The following THSD4 variants were observed in gnomAD, a reference collection of about 807,000 sequenced individuals.
The protein encoded by THSD4 is thrombospondin type-1 domain-containing protein 4.
In THSD4, 69 loss-of-function variants were observed where a neutral mutation model predicts 119.0. The observed-to-expected ratio is 0.58, with a 90% CI of 0.48 to 0.71. The LOEUF (loss-of-function observed/expected upper bound fraction) is 0.71, where lower values mean the gene tolerates loss of function less well. Ranked by LOEUF, THSD4 falls within the 30% of genes least tolerant of loss-of-function variation. THSD4 has a pLI of 0.00. For synonymous variants in THSD4, 524 were observed against 540.4 expected (o/e 0.97, Z 0.42); for missense variants, 1,393 against 1,391.1 (o/e 1.00, Z -0.02).
intron 7 of THSD4, among the ~76,000 whole-genome samples, chr15:71,576,294 C>G (rs1348763212): frequency 6.6e-6 from 1 of 152,130 alleles, no homozygotes; most frequent in African/African-American, 2.4e-5. Flanking sequence ...ACAGAAAATA[C>G]TACCTGTTAG....
chr15:71,651,884 G>A (rs2051096872), intron 7 of THSD4, among the ~76,000 whole-genome samples: 1 of 152,170 alleles, frequency 6.6e-6, no homozygotes, highest in Non-Finnish European at 1.5e-5. Context: ...GCCATCTTGT[G>A]GAGAAAAATG....
chr15:71,132,975 G>C (rs987064384), intron 1 of THSD4, among the ~76,000 whole-genome samples: 2 of 152,216 alleles, frequency 1.3e-5, no homozygotes, highest in Non-Finnish European at 2.9e-5. Flanking sequence ...GGCAGCTGGA[G>C]AATATTGGTT....
chr15:71,762,425 G>T (rs1048723557), intron 15 of THSD4, among the ~76,000 whole-genome samples: 5 of 152,218 alleles, frequency 3.3e-5, no homozygotes, highest in Non-Finnish European at 5.9e-5. Context: ...GGGTCTTTCA[G>T]ATTATGTTTT....
chr15:71,123,984 C>T (rs1468761885), intron 1 of THSD4, among the ~76,000 whole-genome samples: 1 of 152,218 alleles, frequency 6.6e-6, no homozygotes, highest in Non-Finnish European at 1.5e-5. Context: ...ATAAATTACC[C>T]ACTTGGTATC....
chr15:71,312,099 A>G lies in THSD4; in HGVS notation c.1015+55384A>G, dbSNP rs186540882. Among the ~76,000 whole-genome samples, 15 of 152,254 alleles carry G rather than the reference A, an allele frequency of 9.9e-5. No individual in the cohort carries two copies. The East Asian group carries it at 2.7e-3, about 27-fold the overall frequency. ...TTTGTTTCCCTGCCCTCTGTTCTGGACTGTATAGTGCTCCCCTCAAATTCA... is the reference window on the plus strand; with the variant it reads ...TTTGTTTCCCTGCCCTCTGTTCTGGGCTGTATAGTGCTCCCCTCAAATTCA... On this transcript the variant is annotated intron_variant, in intron 6 of 17. Coordinates refer to ENST00000261862, the MANE Select transcript of THSD4 (RefSeq NM_024817.3).
At chr15:71,517,436 C>T (rs1232148027) in intron 7 of THSD4, among the ~76,000 whole-genome samples, 1 of 152,194 alleles carries the variant, frequency 6.6e-6, no homozygotes, top group Non-Finnish European at 1.5e-5. Context: ...CCTTTCTCTC[C>T]CTTTCTGCCT....
chr15:71,762,974 G>A (rs906633357), intron 15 of THSD4, among the ~76,000 whole-genome samples: 7 of 152,128 alleles, frequency 4.6e-5, no homozygotes, highest in South Asian at 2.1e-4. Context: ...AGGAGGCTGA[G>A]GTAGGAGAAT....
intron 8 of THSD4, among the ~76,000 whole-genome samples, chr15:71,679,236 C>T (rs113086563): frequency 0.021 from 3,134 of 152,246 alleles, 53 homozygotes; most frequent in Non-Finnish European, 0.035. Context: ...GAAATTAACT[C>T]TAATAGGATA....
intron 7 of THSD4, among the ~76,000 whole-genome samples, chr15:71,462,432 C>T (rs963155058): frequency 1.3e-5 from 2 of 152,204 alleles, no homozygotes; most frequent in East Asian, 1.9e-4. Context: ...GGATTGCAGG[C>T]ATGAGCCACC....
intron 8 of THSD4, among the ~76,000 whole-genome samples, chr15:71,687,850 A>G (rs536549274): frequency 6.6e-6 from 1 of 152,250 alleles, no homozygotes; most frequent in African/African-American, 2.4e-5. Flanking sequence ...TTTGGAAATT[A>G]CTAATGCAAA....
intron 7 of THSD4, among the ~76,000 whole-genome samples, chr15:71,412,294 C>G (rs1267148304): frequency 6.6e-6 from 1 of 152,284 alleles, no homozygotes. Flanking sequence ...AGAAGTTGTA[C>G]TTTAAACAGG....
intron 3 of THSD4, among the ~76,000 whole-genome samples, chr15:71,204,998 A>C (rs908344): frequency 0.71 from 107,847 of 152,088 alleles, 38,535 homozygotes; most frequent in Admixed American, 0.78. Context: ...CTTTTTGAGT[A>C]GCCCATAGGG....
At chr15:71,316,185 G>A (rs1034542666) in intron 6 of THSD4, among the ~76,000 whole-genome samples, 1 of 152,140 alleles carries the variant, frequency 6.6e-6, no homozygotes, top group South Asian at 2.1e-4. Context: ...AGTCATTTAT[G>A]TCTGTTGCCA....
intron 6 of THSD4, among the ~76,000 whole-genome samples, chr15:71,294,500 C>T (rs1157689197): frequency 6.6e-6 from 1 of 152,094 alleles, no homozygotes; most frequent in African/African-American, 2.4e-5. Context: ...CAGGGGATAC[C>T]AGCGTTCACA....
At chr15:71,224,082 T>C (rs1187372187) in intron 4 of THSD4, among the ~76,000 whole-genome samples, 1 of 152,100 alleles carries the variant, frequency 6.6e-6, no homozygotes, top group African/African-American at 2.4e-5. Flanking sequence ...GGAGGAATAA[T>C]TGAGCTGTGC....
intron 6 of THSD4, among the ~76,000 whole-genome samples, chr15:71,311,070 C>T (rs2045104401): frequency 1.3e-5 from 2 of 152,158 alleles, no homozygotes; most frequent in Admixed American, 1.3e-4. Flanking sequence ...TCCACACAGT[C>T]CTCAGGGCCT....
At chr15:71,495,118 A>C (rs960400676) in intron 7 of THSD4, among the ~76,000 whole-genome samples, 2 of 152,252 alleles carry the variant, frequency 1.3e-5, no homozygotes, top group Non-Finnish European at 2.9e-5. Context: ...CAGTGACCTA[A>C]GTCACAGTTT....
intron 6 of THSD4, among the ~76,000 whole-genome samples, chr15:71,323,118 AAGAT>A (rs1371498268): frequency 2.0e-5 from 3 of 151,300 alleles, no homozygotes; most frequent in Non-Finnish European, 4.4e-5. Context: ...AAAAAAAAAA[AAGAT>A]CGTAGTCTTC....
chr15:71,294,120 T>G (rs1299533045), intron 6 of THSD4, among the ~76,000 whole-genome samples: 1 of 152,236 alleles, frequency 6.6e-6, no homozygotes, highest in Non-Finnish European at 1.5e-5. Flanking sequence ...AGTTACATTT[T>G]CAGCAAGTCT....
Sources: gnomAD v4.1 joint callset for allele counts (sites outside exome capture counted in the v4.1 genomes callset) on GRCh38, gnomAD v4.1.1 for gene constraint, MANE v1.5 for transcripts, NCBI Gene and HGNC (gene_info 2026-07-23, HGNC 2026-07-21) for gene names.